Variants in PPARA observed in about 807,000 individuals in gnomAD.
The protein encoded by PPARA is peroxisome proliferator activated receptor alpha.
In PPARA, 22 loss-of-function variants were observed where a neutral mutation model predicts 42.2. That is an observed-to-expected ratio of 0.52 (90% confidence interval 0.37 to 0.74). PPARA has a LOEUF of 0.74. Ranked by LOEUF, PPARA falls within the 30% of genes least tolerant of loss-of-function variation. The probability of loss-of-function intolerance (pLI) is 0.00; values close to 1 mark genes in which losing one functional copy is unlikely to be tolerated. For synonymous variants in PPARA, 242 were observed against 239.3 expected (o/e 1.01, Z -0.10); for missense variants, 465 against 608.2 (o/e 0.76, Z 2.48).
Position 46,221,716 on chromosome 22 carries a change from G to A in PPARA, c.711+1702G>A, listed in dbSNP as rs192358567. On this transcript the variant is annotated intron_variant, in intron 7 of 8. Coordinates refer to ENST00000407236, the MANE Select transcript of PPARA (RefSeq NM_005036.6). The surrounding 1 kb of genome is among the most constrained non-coding windows in gnomAD (Gnocchi z 5.9). ...TGGGAAGCTGAGGCAGGAGAATGGC[G>A]TGAACCCAGGAGGCAGAGCTTGCAG... Among the ~76,000 whole-genome samples, 8 of 151,542 alleles carry A rather than the reference G, an allele frequency of 5.3e-5. No homozygotes were observed. The highest frequency in any genetic ancestry group is 2.0e-4 in the East Asian group (1 of 5,128).
chr22:46,194,589 T>TTG (rs1931975236), intron 3 of PPARA, among the ~76,000 whole-genome samples: 1 of 138,610 alleles, frequency 7.2e-6, no homozygotes, highest in African/African-American at 2.7e-5. Context: ...TTTTTTTTTT[T>TTG]GTGACAGAGT....
chr22:46,213,888 C>G (rs1934188653), intron 4 of PPARA, among the ~76,000 whole-genome samples: 1 of 152,222 alleles, frequency 6.6e-6, no homozygotes, highest in Admixed American at 6.5e-5. Flanking sequence ...CACGCCTAGC[C>G]CCCATTTTTC....
chr22:46,174,786 T>C (rs1928764079), intron 2 of PPARA, among the ~76,000 whole-genome samples: 1 of 152,070 alleles, frequency 6.6e-6, no homozygotes, highest in Non-Finnish European at 1.5e-5. Flanking sequence ...TAAAGCACTC[T>C]AGCCTGGGCA....
intron 3 of PPARA, among the ~76,000 whole-genome samples, chr22:46,179,439 G>T (rs939642244): frequency 6.6e-6 from 1 of 152,138 alleles, no homozygotes; most frequent in Non-Finnish European, 1.5e-5. Context: ...GATTTTGACA[G>T]AGGTGCAAAG....
chr22:46,223,585 G>A (rs983839873), intron 7 of PPARA, among the ~76,000 whole-genome samples: 13 of 149,440 alleles, frequency 8.7e-5, no homozygotes, highest in Non-Finnish European at 1.6e-4. Flanking sequence ...AGAGGTTGCA[G>A]TGAGCCGAGA....
chr22:46,210,659 G>T (rs1933842739), intron 4 of PPARA, among the ~76,000 whole-genome samples: 1 of 152,038 alleles, frequency 6.6e-6, no homozygotes, highest in Non-Finnish European at 1.5e-5. Context: ...GGCCAAGCTG[G>T]TTTTGAACTC....
In PPARA at chr22:46,239,980, CCA is replaced by C. The variant is rs1936329734; in HGVS notation, c.*4601_*4602del. The C allele has an allele frequency of 2.5e-6, 1 of 394,740 alleles. No individual in the cohort carries two copies. Among genetic ancestry groups the C allele is most frequent in the Non-Finnish European group, 4.5e-6 (1 of 224,318 alleles). The allele number at this position is 394,740 out of a possible 1,614,324, so 24.5% of individuals were successfully genotyped here. A position where few individuals can be genotyped will look rare whatever the true frequency, so the allele number is the denominator to read the frequency against. On this transcript the variant is annotated 3_prime_UTR_variant, in exon 9 of 9. Transcript: ENST00000407236. ...TGTCTTTGAAATGTCTCACTGAACTCCAGTTTTAAAATAGATTCATTGCTTCA... is the reference window on the plus strand; with the variant it reads ...TGTCTTTGAAATGTCTCACTGAACTCGTTTTAAAATAGATTCATTGCTTCA...
At chr22:46,159,777 A>G (rs942538793) in intron 2 of PPARA, among the ~76,000 whole-genome samples, 1 of 152,222 alleles carries the variant, frequency 6.6e-6, no homozygotes, top group African/African-American at 2.4e-5. Flanking sequence ...AATGAGAGGC[A>G]TGAAGGGGAG....
At chr22:46,185,953 A>G (rs1364873233) in intron 3 of PPARA, among the ~76,000 whole-genome samples, 3 of 66,620 alleles carry the variant, frequency 4.5e-5, no homozygotes, top group Non-Finnish European at 6.6e-5. Context: ...ATATATATAT[A>G]TATATATATA....
chr22:46,161,865 C>T lies in PPARA; in HGVS notation c.-127+9895C>T, dbSNP rs918172333. ...TTCTGGATGCCCCCACCCCCTCTGG[C>T]TCCACGAGGCCCCCTGTACGTCACC... On this transcript the variant is annotated intron_variant, in intron 2 of 8. Transcript: ENST00000407236. This position sits in a 1 kb window ranked among gnomAD's most constrained non-coding sequence, Gnocchi z 4.8. Among the ~76,000 whole-genome samples the T allele has an allele frequency of 1.3e-5, 2 of 152,290 alleles. No individual in the cohort carries two copies. The highest frequency in any genetic ancestry group is 2.9e-5 in the Non-Finnish European group (2 of 68,020).
Position 46,224,850 on chromosome 22 carries a change from T to A in PPARA, c.711+4836T>A, listed in dbSNP as rs953607899. On this transcript the variant is annotated intron_variant, in intron 7 of 8. Transcript: ENST00000407236. This position sits in a 1 kb window ranked among gnomAD's most constrained non-coding sequence, Gnocchi z 5.7. ...TTCAAAGCAGCCCTCTGGTTTGCTA[T>A]AAGCGGGGGACTGAATTTCTCTTTG... Among the ~76,000 whole-genome samples the A allele has an allele frequency of 1.3e-5, 2 of 152,198 alleles. No individual in the cohort carries two copies. The highest frequency in any genetic ancestry group is 4.8e-5 in the African/African-American group (2 of 41,440).
intron 2 of PPARA, among the ~76,000 whole-genome samples, chr22:46,172,167 C>T (rs962688600): frequency 5.3e-5 from 8 of 151,960 alleles, no homozygotes; most frequent in African/African-American, 1.9e-4. Flanking sequence ...GATCAGGGTT[C>T]TCCTTCAGGT....
intron 4 of PPARA, among the ~76,000 whole-genome samples, chr22:46,210,420 T>G (rs1029992852): frequency 1.3e-5 from 2 of 152,004 alleles, no homozygotes; most frequent in African/African-American, 4.8e-5. Context: ...ATTTTTCTGA[T>G]TCTTCATGTG....
Position 46,235,094 on chromosome 22 carries a change from T to A in PPARA, c.1160-39T>A. 6.2e-7 allele frequency: 1 copy of A among 1,613,620 alleles called. No individual in the cohort carries two copies. Among genetic ancestry groups the A allele is most frequent in the Non-Finnish European group, 8.5e-7 (1 of 1,179,614 alleles). On this transcript the variant is annotated intron_variant, in intron 8 of 8. Coordinates refer to ENST00000407236, the MANE Select transcript of PPARA (RefSeq NM_005036.6). The surrounding 1 kb of genome is among the most constrained non-coding windows in gnomAD (Gnocchi z 7.0). ...AAACTGATAAGCAGTTCTTGGGTGATTATCACACTCAAACCTCTCTCTCTT... is the reference window on the plus strand; with the variant it reads ...AAACTGATAAGCAGTTCTTGGGTGAATATCACACTCAAACCTCTCTCTCTT...
chr22:46,175,878 A>G (rs933006163), intron 2 of PPARA: 2 of 152,144 alleles, frequency 1.3e-5, no homozygotes, highest in Non-Finnish European at 2.9e-5. Context: ...TGGTTTAACT[A>G]TTCACCCATT....
intron 5 of PPARA, among the ~76,000 whole-genome samples, chr22:46,217,482 T>C (rs1265278645): frequency 6.6e-6 from 1 of 152,212 alleles, no homozygotes; most frequent in East Asian, 1.9e-4. Flanking sequence ...AAGATGCTTT[T>C]ACAAAGCAAG....
rs140255482 is a variant in PPARA, at chr22:46,151,853, C to T, written c.-209-35C>T. 1,493 of 152,412 alleles carry T rather than the reference C, an allele frequency of 9.8e-3. 14 individuals carry two copies. Among genetic ancestry groups the T allele is most frequent in the Non-Finnish European group, 0.014 (986 of 68,108 alleles). 9.4% of individuals were successfully genotyped at this position (152,412 alleles called of 1,614,324 possible). On this transcript the variant is annotated intron_variant, in intron 1 of 8. Transcript: ENST00000407236. Reference sequence around the variant, plus strand: ...AGTTGGGGGGCATCCAGAGAACAACCGTAATCACTTCCTCCTTCACCTTCT... The same window carrying T: ...AGTTGGGGGGCATCCAGAGAACAACTGTAATCACTTCCTCCTTCACCTTCT...
chr22:46,177,828 C>T (rs1047148516), intron 3 of PPARA, among the ~76,000 whole-genome samples: 1 of 151,926 alleles, frequency 6.6e-6, no homozygotes, highest in African/African-American at 2.4e-5. Flanking sequence ...GGTGTGTACC[C>T]AGTGAGACAG....
At position 46,231,861 on chromosome 22, in the gene PPARA, A is replaced by C. The variant is rs761762666; in HGVS notation, c.781A>C (p.Asn261His). 1.7e-5 allele frequency: 28 copies of C among 1,614,024 alleles called. No homozygotes were observed. Among genetic ancestry groups the C allele is most frequent in the Non-Finnish European group, 2.2e-5 (26 of 1,180,050 alleles). Residue 261 changes from asparagine (N) to histidine (H), a missense_variant, in exon 8 of 9, where the codon AAT (asparagine) becomes CAT (histidine). Around this residue, in one of 2 missense-constraint regions of PPARA, gnomAD observed 313 missense variants for 469.1 expected, o/e 0.67. Transcript: ENST00000407236. This position sits in a 1 kb window ranked among gnomAD's most constrained non-coding sequence, Gnocchi z 7.7. ...GACGCTGGTGGCCAAGCTGGTGGCC[A>C]ATGGCATCCAGAACAAGGAGGCGGA... The part of the protein sequence containing the change: ...EKTLVAKLVA[N>H]GIQNKEAEVR...
Sources: gnomAD v4.1 joint callset for allele counts (sites outside exome capture counted in the v4.1 genomes callset) on GRCh38, gnomAD v4.1.1 for gene constraint, gnomAD v4.1.1 regional missense constraint, Gnocchi (gnomAD v3.1) non-coding constraint, MANE v1.5 for transcripts, NCBI Gene and HGNC (gene_info 2026-07-23, HGNC 2026-07-21) for gene names.